The following B4GALNT3 variants were observed in gnomAD, a reference collection of about 807,000 sequenced individuals.
The protein encoded by B4GALNT3 is beta-1,4-N-acetyl-galactosaminyltransferase 3.
In B4GALNT3, 86 loss-of-function variants were observed where a neutral mutation model predicts 120.2. The ratio of observed to expected loss-of-function variants is 0.72; its 90% CI spans 0.60 to 0.86. B4GALNT3 has a LOEUF of 0.86. B4GALNT3 is among the 40% of genes least tolerant of loss of function. The pLI is 0.00. For missense variants in B4GALNT3, 1,167 were observed against 1,298.9 expected (o/e 0.90, Z 1.56); for synonymous variants, 518 against 510.4 (o/e 1.01, Z -0.20).
In B4GALNT3 at chr12:558,664, G is replaced by T. The variant is rs757337240; in HGVS notation, c.2761+3G>T. ...GGCCACCCCCCAGTGGCCTGAGGGT[G>T]AGCCCTGCTCAGACTGGGGAGGGAG... On this transcript the variant is annotated splice_donor_region_variant and intron_variant, in intron 18 of 19. Coordinates refer to ENST00000266383, the MANE Select transcript of B4GALNT3 (RefSeq NM_173593.4). 1.1e-5 allele frequency: 17 copies of T among 1,613,694 alleles called. No individual in the cohort carries two copies. The highest frequency in any genetic ancestry group is 4.4e-5 in the South Asian group (4 of 91,080).
chr12:529,061 G>A (rs775734361), intron 1 of B4GALNT3, among the ~76,000 whole-genome samples: 7 of 152,162 alleles, frequency 4.6e-5, no homozygotes, highest in Non-Finnish European at 8.8e-5. Flanking sequence ...AGCCCTCCCA[G>A]GCCTCTCCTT....
chr12:554,875 A>G (rs1287438900), intron 14 of B4GALNT3, among the ~76,000 whole-genome samples: 2 of 148,954 alleles, frequency 1.3e-5, no homozygotes, highest in East Asian at 4.0e-4. Context: ...CGTTTTCATC[A>G]TCTTTGAAAC....
At chr12:546,411 C>G (rs568113024) in intron 6 of B4GALNT3, among the ~76,000 whole-genome samples, 62 of 152,170 alleles carry the variant, frequency 4.1e-4, no homozygotes, top group Admixed American at 3.3e-3. Context: ...CTGACTCGCG[C>G]TGCAGGTCAT....
chr12:472,081 C>T (rs1217929402), intron 1 of B4GALNT3, among the ~76,000 whole-genome samples: 7 of 152,166 alleles, frequency 4.6e-5, no homozygotes, highest in African/African-American at 1.2e-4. Flanking sequence ...TGAATATTTC[C>T]ATTTGAGGAA....
intron 1 of B4GALNT3, among the ~76,000 whole-genome samples, chr12:516,112 C>T (rs1267816217): frequency 6.6e-6 from 1 of 150,530 alleles, no homozygotes; most frequent in Non-Finnish European, 1.5e-5. Context: ...TGCCACTGCA[C>T]TCCAGCCTGG....
chr12:530,642 G>T (rs1380249729), intron 1 of B4GALNT3, among the ~76,000 whole-genome samples: 2 of 152,206 alleles, frequency 1.3e-5, no homozygotes, highest in Non-Finnish European at 2.9e-5. Context: ...GGATGACTTT[G>T]CCTTTCTGTT....
intron 1 of B4GALNT3, among the ~76,000 whole-genome samples, chr12:470,065 G>A (rs1293134665): frequency 6.6e-6 from 1 of 152,126 alleles, no homozygotes; most frequent in East Asian, 1.9e-4. Context: ...TCCTTTTGAG[G>A]GCTTCAGTTC....
At chr12:488,998 G>T (rs1049727812) in intron 1 of B4GALNT3, among the ~76,000 whole-genome samples, 1 of 151,954 alleles carries the variant, frequency 6.6e-6, no homozygotes, top group African/African-American at 2.4e-5. Flanking sequence ...AAAAAGAATG[G>T]GTTCATGTCC....
Position 527,733 on chromosome 12 carries a change from G to A in B4GALNT3, c.170-7433G>A, listed in dbSNP as rs571594770. ...GCAGACACACAGCTGGGTGGCTTAC[G>A]TTGAGAAGGAAGAGCTTGGGAGCCA... is the stretch of plus-strand genomic sequence containing the variant. On this transcript the variant is annotated intron_variant, in intron 1 of 19. Transcript: ENST00000266383. Among the ~76,000 whole-genome samples, 5 of 152,326 alleles carry A rather than the reference G, an allele frequency of 3.3e-5. No individual in the cohort carries two copies. In the East Asian group the frequency reaches 5.8e-4, roughly 18 times the overall value.
intron 1 of B4GALNT3, among the ~76,000 whole-genome samples, chr12:512,193 GCCTTCCACCTTCCACCTTCCA>G (rs1243486019): frequency 7.4e-5 from 1 of 13,594 alleles, no homozygotes. Context: ...TCCACCTTCC[GCCTTCCACCTTCCACCTTCCA>G]CCTTCCACCT....
chr12:511,337 C>G (rs1246780428), intron 1 of B4GALNT3, among the ~76,000 whole-genome samples: 2 of 131,900 alleles, frequency 1.5e-5, no homozygotes, highest in Non-Finnish European at 3.3e-5. Flanking sequence ...CACCTTCCAC[C>G]TTCCTTCCAC....
At chr12:554,668 T>C (rs1289896935) in intron 14 of B4GALNT3, among the ~76,000 whole-genome samples, 3 of 150,058 alleles carry the variant, frequency 2.0e-5, no homozygotes, top group Non-Finnish European at 3.0e-5. Flanking sequence ...CGGGCGCCTG[T>C]AGTCCCAGCT....
intron 1 of B4GALNT3, among the ~76,000 whole-genome samples, chr12:510,095 T>C (rs1251691819): frequency 6.6e-6 from 1 of 152,168 alleles, no homozygotes; most frequent in East Asian, 1.9e-4. Context: ...CCATTCCCTT[T>C]CGTCTCCAGG....
rs575253698 is a variant in B4GALNT3, at chr12:479,417, G to A, written c.169+18872G>A. Among the ~76,000 whole-genome samples, 9 of 152,248 alleles carry A rather than the reference G, an allele frequency of 5.9e-5. No homozygotes were observed. The South Asian group carries it at 1.9e-3, about 32-fold the overall frequency. ...TTCCCTGAACTGTTGTTCTTGGACTGCCAAACTGGGTAGGGGCAGTAGGAC... is the reference window on the plus strand; with the variant it reads ...TTCCCTGAACTGTTGTTCTTGGACTACCAAACTGGGTAGGGGCAGTAGGAC... On this transcript the variant is annotated intron_variant, in intron 1 of 19. Coordinates refer to ENST00000266383, the MANE Select transcript of B4GALNT3 (RefSeq NM_173593.4).
intron 1 of B4GALNT3, among the ~76,000 whole-genome samples, chr12:509,769 G>A (rs1286234866): frequency 1.3e-5 from 2 of 152,096 alleles, no homozygotes; most frequent in South Asian, 2.1e-4. Flanking sequence ...TATTCTAAGC[G>A]TGGCCCAGGG....
chr12:557,519 G>T, intron 15 of B4GALNT3, 89 bp from the exon 16 acceptor site: 13 of 1,417,650 alleles, frequency 9.2e-6, no homozygotes, highest in Non-Finnish European at 1.3e-5. Context: ...GGGCACTCCT[G>T]ACTCACCTGG....
At chr12:519,704 C>T (rs1946687568) in intron 1 of B4GALNT3, among the ~76,000 whole-genome samples, 1 of 151,744 alleles carries the variant, frequency 6.6e-6, no homozygotes, top group African/African-American at 2.4e-5. Flanking sequence ...TGATTCCCAC[C>T]AGACCTTGTT....
intron 1 of B4GALNT3, among the ~76,000 whole-genome samples, chr12:490,812 T>C (rs957552435): frequency 3.3e-5 from 5 of 151,638 alleles, no homozygotes; most frequent in African/African-American, 7.3e-5. Context: ...AAAGACACAA[T>C]CTGCCAAAAC....
At chr12:535,114 T>G in intron 1 of B4GALNT3, 52 bp from the exon 2 acceptor site, 105 of 1,470,964 alleles carry the variant, frequency 7.1e-5, no homozygotes, top group Non-Finnish European at 9.6e-5. Context: ...TTTAGGTGTA[T>G]GAGGTTTCCA....
Sources: gnomAD v4.1 joint callset for allele counts (sites outside exome capture counted in the v4.1 genomes callset) on GRCh38, gnomAD v4.1.1 for gene constraint, MANE v1.5 for transcripts, NCBI Gene and HGNC (gene_info 2026-07-23, HGNC 2026-07-21) for gene names.